The following FIGNL2 variants were observed in gnomAD, a reference collection of about 807,000 sequenced individuals.
FIGNL2 encodes the protein fidgetin like 2.
For missense variants in FIGNL2, 1,060 were observed against 950.2 expected, an observed-to-expected ratio of 1.12 and a Z score of -1.52; for synonymous variants, 565 against 484.0, an observed-to-expected ratio of 1.17 and a Z score of -2.20.
chr12:51,827,095 CAG>C (rs1939361440), intron 1 of FIGNL2, among the ~76,000 whole-genome samples: 1 of 152,252 alleles, frequency 6.6e-6, no homozygotes, highest in Admixed American at 6.5e-5. Flanking sequence ...ACCCCCAGGC[CAG>C]TTACAGCCCT....
Position 51,820,628 on chromosome 12 carries a change from C to G in FIGNL2, c.1786G>C (p.Gly596Arg), listed in dbSNP as rs1328042947. ...TGCTGGCACAGCTGCCCCAGCTCGC[C>G]CCCAGAGAAGCCCTGCGTGCCCTGC... ...LVQGTQGFSG[G>R]ELGQLCQQAA... is the part of the protein sequence containing the mutation. The change falls in exon 2 of 2, where the codon GGC becomes CGC. Residue 596 changes from glycine (G) to arginine (R), a missense_variant. Gly to Arg is a moderately radical substitution (Grantham distance 125). Coordinates refer to ENST00000618634, the MANE Select transcript of FIGNL2 (RefSeq NM_001384995.1). 1.3e-5 allele frequency: 20 copies of G among 1,525,948 alleles called. No homozygotes were observed. The highest frequency in any genetic ancestry group is 2.0e-4 in the Middle Eastern group (1 of 5,058). The allele number at this position is 1,525,948 out of a possible 1,614,324, so 94.5% of individuals were successfully genotyped here.
Position 51,820,432 on chromosome 12 carries a change from G to GCGGCCTCCCC in FIGNL2, c.*10_*19dup. The GCGGCCTCCCC allele has an allele frequency of 6.3e-7, 1 of 1,578,396 alleles. No homozygotes were observed. Among genetic ancestry groups the GCGGCCTCCCC allele is most frequent in the Non-Finnish European group, 8.5e-7 (1 of 1,170,762 alleles). On this transcript the variant is annotated 3_prime_UTR_variant, in exon 2 of 2. Transcript: ENST00000618634. ...CGGGGACGGAGGGACTGCGGCTCCC[G>GCGGCCTCCCC]CGGCCTCCCCCGCGCGCCGTCAGTG...
chr12:51,842,518 T>G (rs1388503042), intron 1 of FIGNL2, among the ~76,000 whole-genome samples: 1 of 152,148 alleles, frequency 6.6e-6, no homozygotes, highest in Non-Finnish European at 1.5e-5. Context: ...ACCAGTTTTC[T>G]TTCCCCACTG....
At chr12:51,830,687 T>C (rs747484434) in intron 1 of FIGNL2, among the ~76,000 whole-genome samples, 8 of 151,910 alleles carry the variant, frequency 5.3e-5, no homozygotes, top group African/African-American at 7.3e-5. Context: ...GAGATGGGGT[T>C]TCACCATGTT....
At chr12:51,847,602 T>C in intron 1 of FIGNL2, 3 of 984,476 alleles carry the variant, frequency 3.0e-6, no homozygotes, top group South Asian at 4.7e-5. Flanking sequence ...GGGCCGCCGC[T>C]GGGCGCAGGG....
chr12:51,822,003 C>G lies in FIGNL2; in HGVS notation c.411G>C (p.Gly137=). The G allele has an allele frequency of 6.3e-7, 1 of 1,591,886 alleles. No individual in the cohort carries two copies. Among genetic ancestry groups the G allele is most frequent in the Non-Finnish European group, 8.5e-7 (1 of 1,170,184 alleles). ...CGGCGTAGAGGGGTTCAGGGAGGTT[C>G]CCGGCTAAAACTGGGGAGCCCCCCA... ...GALGGSPVLA[G]NLPEPLYAGN... The change falls in exon 2 of 2, where the codon GGG becomes GGC. Residue 137 remains glycine (G), a synonymous_variant. Coordinates refer to ENST00000618634, the MANE Select transcript of FIGNL2 (RefSeq NM_001384995.1).
chr12:51,820,716 G>A lies in FIGNL2; in HGVS notation c.1698C>T (p.Ile566=). Residue 566 remains isoleucine (I), a synonymous_variant, in exon 2 of 2, where the codon ATC becomes ATT. Transcript: ENST00000618634. ...CCTGCTGGGCCAGCGCCCGCTGCAG[G>A]ATCTGCCCGCGGGCCGGGCTGTCGG... The part of the protein sequence containing the change: ...ALPDSPARGQ[I]LQRALAQQGC... 6.8e-7 allele frequency: 1 copy of A among 1,480,968 alleles called. No homozygotes were observed. Among genetic ancestry groups the A allele is most frequent in the Middle Eastern group, 2.2e-4 (1 of 4,530 alleles). The allele number at this position is 1,480,968 out of a possible 1,614,324, so 91.7% of individuals were successfully genotyped here.
At chr12:51,846,383 CT>C (rs1478651442) in intron 1 of FIGNL2, among the ~76,000 whole-genome samples, 1 of 152,284 alleles carries the variant, frequency 6.6e-6, no homozygotes, top group East Asian at 1.9e-4. Flanking sequence ...AGGCATTTGG[CT>C]GGAGGAACAG....
chr12:51,844,948 C>A, intron 1 of FIGNL2: 1 of 859,026 alleles, frequency 1.2e-6, no homozygotes, highest in Non-Finnish European at 1.4e-6. Flanking sequence ...ACCCAGGCTG[C>A]AGGCATGACT....
chr12:51,834,275 AG>A (rs200577629), intron 1 of FIGNL2, among the ~76,000 whole-genome samples: 1,915 of 151,962 alleles, frequency 0.013, 13 homozygotes, highest in African/African-American at 0.024. Context: ...TGGATAGGGG[AG>A]GGGAGTCCAG....
chr12:51,837,029 T>C (rs1296627813), intron 1 of FIGNL2, among the ~76,000 whole-genome samples: 2 of 152,090 alleles, frequency 1.3e-5, no homozygotes, highest in Non-Finnish European at 2.9e-5. Context: ...TATTAGCACA[T>C]TTGAACCGCT....
chr12:51,832,659 T>A (rs749767827), intron 1 of FIGNL2, among the ~76,000 whole-genome samples: 21 of 152,092 alleles, frequency 1.4e-4, no homozygotes, highest in Non-Finnish European at 2.9e-4. Flanking sequence ...CCATGGTAAT[T>A]CCGTGCATGA....
Position 51,817,978 on chromosome 12 carries a change from G to A in FIGNL2, c.*2474C>T, listed in dbSNP as rs1235778345. On this transcript the variant is annotated 3_prime_UTR_variant, in exon 2 of 2. Coordinates refer to ENST00000618634, the MANE Select transcript of FIGNL2 (RefSeq NM_001384995.1). ...CTGAGGTAGACAGACCACAACTGCA[G>A]AGCATCGTCAGACAGGAGATAAATA... The A allele has an allele frequency of 6.6e-6, 1 of 152,448 alleles. No homozygotes were observed. Among genetic ancestry groups the A allele is most frequent in the African/African-American group, 2.4e-5 (1 of 41,386 alleles). The allele number at this position is 152,448 out of a possible 1,614,324, so 9.4% of individuals were successfully genotyped here.
In FIGNL2 at chr12:51,848,623, G is replaced by A; in HGVS notation, c.-95C>T. On this transcript the variant is annotated 5_prime_UTR_variant, in exon 1 of 2. Transcript: ENST00000618634. ...GGGGACCGGGGCGGCGGCGCGGGCC[G>A]GGGGCGACAGGCCTGGGCTGGGGGG... The A allele has an allele frequency of 5.2e-6, 4 of 773,314 alleles. No homozygotes were observed. Among genetic ancestry groups the A allele is most frequent in the African/African-American group, 1.9e-5 (1 of 52,908 alleles). The allele number at this position is 773,314 out of a possible 1,614,324, so 47.9% of individuals were successfully genotyped here. A position where few individuals can be genotyped will look rare whatever the true frequency, so the allele number is the denominator to read the frequency against.
Position 51,839,432 on chromosome 12 carries a change from T to G in FIGNL2, c.-12+9108A>C, listed in dbSNP as rs115713713. Among the ~76,000 whole-genome samples the G allele has an allele frequency of 4.5e-3, 686 of 152,322 alleles. 2 individuals carry two copies. The highest frequency in any genetic ancestry group is 0.015 in the African/African-American group (640 of 41,562). On this transcript the variant is annotated intron_variant, in intron 1 of 1. Coordinates refer to ENST00000618634, the MANE Select transcript of FIGNL2 (RefSeq NM_001384995.1). ...TCTCTAAAACAACCCACAGCTCTCA[T>G]GTTCCCCACCACAGCTGGCCCCACC...
chr12:51,847,037 G>T, intron 1 of FIGNL2: 2 of 978,688 alleles, frequency 2.0e-6, no homozygotes, highest in Non-Finnish European at 2.4e-6. Context: ...CCCCCTGCCC[G>T]CAGCTCGCGC....
chr12:51,827,852 A>C (rs1348522154), intron 1 of FIGNL2, among the ~76,000 whole-genome samples: 2 of 152,160 alleles, frequency 1.3e-5, no homozygotes. Flanking sequence ...CCGTCATACC[A>C]GCTCTGAGAT....
At position 51,819,392 on chromosome 12, in the gene FIGNL2, G is replaced by A. The variant is rs1939116662; in HGVS notation, c.*1060C>T. The A allele has an allele frequency of 1.3e-5, 2 of 152,754 alleles. No homozygotes were observed. The highest frequency in any genetic ancestry group is 4.2e-4 in the South Asian group (2 of 4,816). 9.5% of individuals were successfully genotyped at this position (152,754 alleles called of 1,614,324 possible). On this transcript the variant is annotated 3_prime_UTR_variant, in exon 2 of 2. Coordinates refer to ENST00000618634, the MANE Select transcript of FIGNL2 (RefSeq NM_001384995.1). ...GCCCACTCCCCACATTCATGCCTAG[G>A]CCTCGGCCCTGGGGAGGAAGCCCTT...
chr12:51,841,107 G>C (rs529401779), intron 1 of FIGNL2, among the ~76,000 whole-genome samples: 29 of 152,286 alleles, frequency 1.9e-4, no homozygotes, highest in Non-Finnish European at 2.5e-4. Context: ...CCCAGCCCTG[G>C]GGGGGCTGAG....
Sources: gnomAD v4.1 joint callset for allele counts (sites outside exome capture counted in the v4.1 genomes callset) on GRCh38, gnomAD v4.1.1 for gene constraint, MANE v1.5 for transcripts, NCBI Gene and HGNC (gene_info 2026-07-23, HGNC 2026-07-21) for gene names.